Variants in DCC observed in about 807,000 individuals in gnomAD.
DCC encodes DCC netrin 1 receptor, also known as netrin receptor DCC.
DCC carries 58 observed loss-of-function variants against 172.5 expected under a neutral mutation model. The ratio of observed to expected loss-of-function variants is 0.34; its 90% CI spans 0.27 to 0.42. The LOEUF is 0.42. Among genes scored for constraint, DCC ranks in the 10% least tolerant of loss-of-function variants. The pLI is 1.00. For synonymous variants in DCC, 709 were observed against 644.5 expected (o/e 1.10, Z -1.52); for missense variants, 1,740 against 1,791.0 (o/e 0.97, Z 0.51).
At chr18:52,889,378 G>C (rs988917399) in intron 2 of DCC, among the ~76,000 whole-genome samples, 1 of 152,028 alleles carries the variant, frequency 6.6e-6, no homozygotes, top group African/African-American at 2.4e-5. Flanking sequence ...TGAAATATCA[G>C]GCTTTCAATA....
At chr18:53,432,111 TTAA>T (rs1433389504) in intron 21 of DCC, among the ~76,000 whole-genome samples, 2 of 152,148 alleles carry the variant, frequency 1.3e-5, no homozygotes, top group African/African-American at 2.4e-5. Context: ...TGCAGTTCTT[TTAA>T]TAATACTTTT....
chr18:53,404,261 G>GGT (rs1555666205), intron 19 of DCC, among the ~76,000 whole-genome samples: 30 of 151,700 alleles, frequency 2.0e-4, no homozygotes, highest in Admixed American at 1.8e-3. Context: ...GATAGAAAAA[G>GGT]ATGTTTTTGG....
chr18:53,342,593 A>T (rs2057672920), intron 15 of DCC, among the ~76,000 whole-genome samples: 1 of 150,892 alleles, frequency 6.6e-6, no homozygotes, highest in Non-Finnish European at 1.5e-5. Flanking sequence ...TGTTTAATAA[A>T]GTATATCTTT....
At chr18:53,515,738 A>G (rs1020932911) in intron 27 of DCC, among the ~76,000 whole-genome samples, 18 of 151,878 alleles carry the variant, frequency 1.2e-4, no homozygotes, top group African/African-American at 4.4e-4. Context: ...AATCCAACTT[A>G]CAAGGGATGT....
At chr18:52,474,206 TAGAGAGAGAG>T (rs61277582) in intron 1 of DCC, among the ~76,000 whole-genome samples, 86 of 100,708 alleles carry the variant, frequency 8.5e-4, no homozygotes, top group Middle Eastern at 0.011. Context: ...GTAACAGACC[TAGAGAGAGAG>T]AGAGAGAGAG....
At chr18:53,103,654 C>A (rs2043204934) in intron 7 of DCC, among the ~76,000 whole-genome samples, 1 of 152,130 alleles carries the variant, frequency 6.6e-6, no homozygotes, top group South Asian at 2.1e-4. Flanking sequence ...CCCCAGAACA[C>A]TTCTGTTGTA....
At chr18:52,497,280 AATATATATATATAT>A (rs1172366771) in intron 1 of DCC, among the ~76,000 whole-genome samples, 2 of 21,574 alleles carry the variant, frequency 9.3e-5, no homozygotes, top group African/African-American at 2.7e-4. Flanking sequence ...AAAAAAAAAA[AATATATATATATAT>A]ATATATATAT....
At chr18:53,169,152 C>T (rs1048029644) in intron 8 of DCC, among the ~76,000 whole-genome samples, 2 of 152,180 alleles carry the variant, frequency 1.3e-5, no homozygotes, top group Admixed American at 1.3e-4. Flanking sequence ...TGACTTCATG[C>T]TTCAAAAGAT....
At chr18:53,169,070 C>G (rs1372354877) in intron 8 of DCC, among the ~76,000 whole-genome samples, 2 of 152,188 alleles carry the variant, frequency 1.3e-5, no homozygotes, top group African/African-American at 4.8e-5. Flanking sequence ...GTTCTAGGCA[C>G]AGGAGAATAT....
intron 2 of DCC, among the ~76,000 whole-genome samples, chr18:52,882,874 T>C (rs1598895563): frequency 6.6e-6 from 1 of 152,106 alleles, no homozygotes; most frequent in Admixed American, 6.6e-5. Flanking sequence ...GCTGTTATCA[T>C]ATTGGTGTCT....
At chr18:52,358,575 C>T (rs1280349779) in intron 1 of DCC, among the ~76,000 whole-genome samples, 12 of 152,178 alleles carry the variant, frequency 7.9e-5, no homozygotes, top group African/African-American at 1.2e-4. Flanking sequence ...AGCACTAGCA[C>T]GACTCTACTG....
chr18:53,492,665 A>G (rs1555678848), intron 26 of DCC, among the ~76,000 whole-genome samples: 1 of 152,084 alleles, frequency 6.6e-6, no homozygotes, highest in Non-Finnish European at 1.5e-5. Flanking sequence ...GTTGGTCTGT[A>G]TATCTGTTTT....
At chr18:52,652,192 A>G (rs1305192034) in intron 1 of DCC, among the ~76,000 whole-genome samples, 1 of 152,174 alleles carries the variant, frequency 6.6e-6, no homozygotes, top group African/African-American at 2.4e-5. Flanking sequence ...TTGCCCAAGG[A>G]AGAAAAGCCA....
At chr18:52,809,199 ATATTGT>A in intron 2 of DCC, 1 of 152,342 alleles carries the variant, frequency 6.6e-6, no homozygotes, top group East Asian at 1.9e-4. Context: ...TTTAGTACAA[ATATTGT>A]TATTGTTGCT....
intron 2 of DCC, among the ~76,000 whole-genome samples, chr18:52,891,365 T>G (rs1199081362): frequency 6.6e-6 from 1 of 152,118 alleles, no homozygotes; most frequent in Non-Finnish European, 1.5e-5. Context: ...TTTGTTAAAT[T>G]ATGTCCTGAA....
chr18:52,923,694 T>G lies in DCC; in HGVS notation c.698-13T>G. ...TTTCATATATCATATGATACTGTGT[T>G]TTCCCCTCATAGATCCAGGACTGCA... On this transcript the variant is annotated splice_polypyrimidine_tract_variant and intron_variant, in intron 3 of 28. Coordinates refer to ENST00000442544, the MANE Select transcript of DCC (RefSeq NM_005215.4). 2 of 1,589,110 alleles carry G rather than the reference T, an allele frequency of 1.3e-6. No homozygotes were observed. Among genetic ancestry groups the G allele is most frequent in the Non-Finnish European group, 1.7e-6 (2 of 1,157,510 alleles).
chr18:53,140,345 T>A (rs1347284900), intron 7 of DCC, among the ~76,000 whole-genome samples: 1 of 152,216 alleles, frequency 6.6e-6, no homozygotes, highest in African/African-American at 2.4e-5. Flanking sequence ...TGAAAATGAA[T>A]TCTTTCGCAG....
At position 53,495,196 on chromosome 18, in the gene DCC, A is replaced by G. The variant is rs558908503; in HGVS notation, c.3899-4102A>G. 4.6e-5 allele frequency among the ~76,000 whole-genome samples: 7 copies of G among 152,216 alleles called. No individual in the cohort carries two copies. In the South Asian group the frequency reaches 1.5e-3, roughly 32 times the overall value. On this transcript the variant is annotated intron_variant, in intron 26 of 28. Transcript: ENST00000442544. ...CACCTGAGGTCAGGAGTTCAAGACC[A>G]GCCTGACCAAGATGGTGAAACCCCA...
intron 2 of DCC, among the ~76,000 whole-genome samples, chr18:52,807,682 C>T (rs890893481): frequency 2.6e-5 from 4 of 152,124 alleles, no homozygotes; most frequent in African/African-American, 7.2e-5. Context: ...CCACCATATT[C>T]TTCTCTTTTT....
Sources: allele counts gnomAD v4.1 joint callset (sites outside exome capture counted in the v4.1 genomes callset), GRCh38; gene constraint gnomAD v4.1.1; transcripts MANE v1.5; gene names NCBI Gene and HGNC (gene_info 2026-07-23, HGNC 2026-07-21).